MALRD1: variants seen among roughly 807,000 people sequenced by gnomAD.
MALRD1 encodes the protein MAM and LDL receptor class A domain containing 1, also known as MAM and LDL-receptor class A domain-containing protein 1.
Under a neutral mutation model 242.1 loss-of-function variants are expected in MALRD1, and 247 were observed. That is an observed-to-expected ratio of 1.02 (90% confidence interval 0.92 to 1.13). The LOEUF (loss-of-function observed/expected upper bound fraction) is 1.13, where lower values mean the gene tolerates loss of function less well. Among genes scored for constraint, MALRD1 ranks in the 50% most tolerant of loss-of-function variants. MALRD1 has a pLI of 0.00. For synonymous variants in MALRD1, 995 were observed against 866.6 expected (o/e 1.15, Z -2.60); for missense variants, 2,989 against 2,533.1 (o/e 1.18, Z -3.86).
In MALRD1 at chr10:19,133,881, A is replaced by G. The variant is rs1833215931; in HGVS notation, c.1136A>G (p.Asn379Ser). The change falls in exon 9 of 40, where the codon AAC (asparagine) becomes AGC (serine). Residue 379 changes from asparagine (N) to serine (S), a missense_variant. Physicochemically the swap from Asn to Ser is conservative, Grantham distance 46. Transcript: ENST00000454679. ...GAAGAAGAAATATTTTGGACATACAACATATCAACTCACAGCCAATGGGTG... is the reference window on the plus strand; with the variant it reads ...GAAGAAGAAATATTTTGGACATACAGCATATCAACTCACAGCCAATGGGTG... The part of the protein sequence containing the change: ...NKEEEIFWTY[N>S]ISTHSQWVKA... 1 of 1,230,744 alleles carries G rather than the reference A, an allele frequency of 8.1e-7. No individual in the cohort carries two copies. The highest frequency in any genetic ancestry group is 1.0e-6 in the Non-Finnish European group (1 of 987,180). The allele number at this position is 1,230,744 out of a possible 1,614,324, so 76.2% of individuals were successfully genotyped here.
intron 19 of MALRD1, among the ~76,000 whole-genome samples, chr10:19,264,407 C>T (rs540487270): frequency 1.3e-5 from 2 of 150,426 alleles, no homozygotes; most frequent in Non-Finnish European, 3.0e-5. Context: ...TTGTAGTCTC[C>T]TTTTCTGGCT....
chr10:19,200,537 CA>C (rs1274807036), intron 14 of MALRD1, among the ~76,000 whole-genome samples: 1 of 150,940 alleles, frequency 6.6e-6, no homozygotes, highest in African/African-American at 2.4e-5. Flanking sequence ...TCCTTACCAA[CA>C]AACCTCGGTA....
rs1479792888 is a variant in MALRD1 at position 19,235,576 on chromosome 10, C to G, written c.2992-22108C>G. 1.2e-3 allele frequency among the ~76,000 whole-genome samples: 68 copies of G among 57,320 alleles called. No individual in the cohort carries two copies. The East Asian group carries it at 0.02, about 17-fold the overall frequency. 37.6% of individuals were successfully genotyped at this position (57,320 alleles called of 152,430 possible). A position where few individuals can be genotyped will look rare whatever the true frequency, so the allele number is the denominator to read the frequency against. On this transcript the variant is annotated intron_variant, in intron 18 of 39. Coordinates refer to ENST00000454679, the MANE Select transcript of MALRD1 (RefSeq NM_001142308.3). ...GGACACACACACCCACACCCACACC[C>G]ACAGAGAGAGAGAGAGAGAGAGAGA... is the stretch of plus-strand genomic sequence containing the variant.
At chr10:19,133,978 T>A (rs1588594102) in intron 9 of MALRD1, 30 bp downstream of exon 9, 1 of 1,119,530 alleles carries the variant, frequency 8.9e-7, no homozygotes, top group African/African-American at 1.6e-5. Flanking sequence ...AGTATTTTTT[T>A]ATCATGGTTT....
At position 19,498,583 on chromosome 10, in the gene MALRD1, G is replaced by A; in HGVS notation, c.5257G>A (p.Asp1753Asn). ...TACTCAAGACTCTGAGGATGACTTGGACTGGGCCATTGGCAGCAGAATTCC... is the reference window on the plus strand; with the variant it reads ...TACTCAAGACTCTGAGGATGACTTGAACTGGGCCATTGGCAGCAGAATTCC... ...SLTQDSEDDL[D>N]WAIGSRIPAK... Residue 1753 changes from aspartate to asparagine, a missense_variant, in exon 31 of 40, where the codon GAC becomes AAC. Transcript: ENST00000454679. The A allele has an allele frequency of 3.2e-6, 5 of 1,550,184 alleles. No homozygotes were observed. Among genetic ancestry groups the A allele is most frequent in the Non-Finnish European group, 4.4e-6 (5 of 1,146,810 alleles).
chr10:19,255,069 A>C (rs1191966233), intron 18 of MALRD1, among the ~76,000 whole-genome samples: 2 of 152,068 alleles, frequency 1.3e-5, no homozygotes, highest in Admixed American at 1.3e-4. Flanking sequence ...TACCAAGGCC[A>C]GTCTGTCTTT....
chr10:19,227,984 G>T (rs1333556955), intron 18 of MALRD1, among the ~76,000 whole-genome samples: 2 of 152,150 alleles, frequency 1.3e-5, no homozygotes, highest in African/African-American at 4.8e-5. Flanking sequence ...GTGAAGAATT[G>T]CTATTCACAC....
intron 31 of MALRD1, among the ~76,000 whole-genome samples, chr10:19,502,807 G>C (rs1164559642): frequency 1.3e-5 from 2 of 152,114 alleles, no homozygotes; most frequent in Non-Finnish European, 2.9e-5. Context: ...TACAAAAACT[G>C]CAGGCTCAGT....
At chr10:19,206,371 T>G (rs1836783647) in intron 17 of MALRD1, among the ~76,000 whole-genome samples, 1 of 152,202 alleles carries the variant, frequency 6.6e-6, no homozygotes, top group African/African-American at 2.4e-5. Flanking sequence ...TGGGTATAAT[T>G]AAAATGGTGA....
intron 21 of MALRD1, among the ~76,000 whole-genome samples, chr10:19,321,424 A>T (rs1001003425): frequency 2.0e-5 from 3 of 152,140 alleles, no homozygotes; most frequent in African/African-American, 7.2e-5. Flanking sequence ...ACTGGGAGAC[A>T]GAGATAAGTT....
At chr10:19,280,664 G>C (rs1174206731) in intron 20 of MALRD1, among the ~76,000 whole-genome samples, 1 of 152,178 alleles carries the variant, frequency 6.6e-6, no homozygotes, top group Admixed American at 6.5e-5. Flanking sequence ...GAGTTCATGA[G>C]AAAACCTATC....
intron 38 of MALRD1, among the ~76,000 whole-genome samples, chr10:19,713,180 G>A (rs1589432947): frequency 6.6e-6 from 1 of 151,796 alleles, no homozygotes; most frequent in South Asian, 2.1e-4. Flanking sequence ...ATTAAAAAAA[G>A]AAACAGGAAA....
rs1554793172 is a variant in MALRD1, at chr10:19,529,549, G to GGGGT, written c.5321-1642_5321-1641insTGGG. Among the ~76,000 whole-genome samples the GGGGT allele has an allele frequency of 3.5e-3, 517 of 147,240 alleles. 7 individuals are homozygous for GGGGT. In the East Asian group the frequency reaches 0.056, roughly 16 times the overall value. On this transcript the variant is annotated intron_variant, in intron 31 of 39. Coordinates refer to ENST00000454679, the MANE Select transcript of MALRD1 (RefSeq NM_001142308.3). ...AGAGAAGACAGAAAAAAACAGGAGG[G>GGGGT]GGGGGGAGAAAACAAAGATTAAGGA... is the stretch of plus-strand genomic sequence containing the variant.
intron 23 of MALRD1, among the ~76,000 whole-genome samples, chr10:19,330,154 A>C (rs1297894124): frequency 6.6e-6 from 1 of 151,948 alleles, no homozygotes; most frequent in Non-Finnish European, 1.5e-5. Context: ...CTATCTTACT[A>C]ATATTTTTTT....
intron 36 of MALRD1, among the ~76,000 whole-genome samples, chr10:19,631,277 G>T (rs550099927): frequency 7.1e-4 from 108 of 152,228 alleles, no homozygotes; most frequent in Non-Finnish European, 1.4e-3. Context: ...AGTTTACTAA[G>T]GATGATGGCC....
At chr10:19,167,024 A>G (rs541763781) in intron 13 of MALRD1, among the ~76,000 whole-genome samples, 1 of 152,320 alleles carries the variant, frequency 6.6e-6, no homozygotes, top group East Asian at 1.9e-4. Context: ...AAGATAATAT[A>G]GCTAAAATGG....
intron 14 of MALRD1, among the ~76,000 whole-genome samples, chr10:19,199,182 C>G (rs1041079604): frequency 2.0e-5 from 3 of 151,760 alleles, no homozygotes; most frequent in South Asian, 4.2e-4. Flanking sequence ...AAAAAAAAAT[C>G]TTTAAAGGAA....
At chr10:19,575,056 T>G (rs2131486441) in intron 33 of MALRD1, among the ~76,000 whole-genome samples, 1 of 152,306 alleles carries the variant, frequency 6.6e-6, no homozygotes, top group Admixed American at 6.5e-5. Context: ...GTTTACAATC[T>G]AAGAAAATAC....
rs1306179307 is a variant in MALRD1 at position 19,381,104 on chromosome 10, T to C, written c.4442-6424T>C. On this transcript the variant is annotated intron_variant, in intron 26 of 39. Coordinates refer to ENST00000454679, the MANE Select transcript of MALRD1 (RefSeq NM_001142308.3). ...TCCCCAGAGTGTGATATTCCCCTTC[T>C]TGTGTCCATGTGATCTCATTGTTCA... 1.0e-4 allele frequency among the ~76,000 whole-genome samples: 14 copies of C among 137,810 alleles called. 1 individual carries two copies. The highest frequency in any genetic ancestry group is 9.3e-4 in the East Asian group (4 of 4,324). The allele number at this position is 137,810 out of a possible 152,430, so 90.4% of individuals were successfully genotyped here.
Sources: gnomAD v4.1 joint callset for allele counts (sites outside exome capture counted in the v4.1 genomes callset) on GRCh38, gnomAD v4.1.1 for gene constraint, MANE v1.5 for transcripts, NCBI Gene and HGNC (gene_info 2026-07-23, HGNC 2026-07-21) for gene names.